TAPT1: variants seen among roughly 807,000 people sequenced by gnomAD.
TAPT1 encodes transmembrane anterior posterior transformation protein 1 homolog.
TAPT1 carries 28 observed loss-of-function variants against 65.6 expected under a neutral mutation model. The observed-to-expected ratio is 0.43, with a 90% CI of 0.32 to 0.59. The LOEUF is 0.59. Among genes scored for constraint, TAPT1 ranks in the 20% least tolerant of loss-of-function variants. The pLI is 0.09. For missense variants in TAPT1, 563 were observed against 679.9 expected (o/e 0.83, Z 1.91); for synonymous variants, 278 against 245.2 (o/e 1.13, Z -1.25).
Position 16,161,836 on chromosome 4 carries a change from A to G in TAPT1, c.*1472T>C, listed in dbSNP as rs2149658843. On this transcript the variant is annotated 3_prime_UTR_variant, in exon 14 of 14. Transcript: ENST00000405303. ...CATCCAAGAAACAGACAAATCACCTAAAAATTGCTTTCTGCCTATGTATGT... is the reference window on the plus strand; with the variant it reads ...CATCCAAGAAACAGACAAATCACCTGAAAATTGCTTTCTGCCTATGTATGT... 1 of 152,342 alleles carries G rather than the reference A, an allele frequency of 6.6e-6. No homozygotes were observed. The highest frequency in any genetic ancestry group is 2.4e-5 in the African/African-American group (1 of 41,576). 9.4% of individuals were successfully genotyped at this position (152,342 alleles called of 1,614,324 possible).
At chr4:16,163,833 A>T (rs1334412607) in intron 13 of TAPT1, among the ~76,000 whole-genome samples, 1 of 152,166 alleles carries the variant, frequency 6.6e-6, no homozygotes, top group East Asian at 1.9e-4. Flanking sequence ...GCTCCTCTCT[A>T]TATAATCAAG....
chr4:16,202,344 G>T, intron 3 of TAPT1, 118 bp downstream of exon 3: 1 of 556,212 alleles, frequency 1.8e-6, no homozygotes, highest in Middle Eastern at 4.8e-4. Context: ...AACAGTTTAT[G>T]CATGAAGGGC....
chr4:16,202,659 T>A, intron 2 of TAPT1, 79 bp from the exon 3 acceptor site: 2 of 724,644 alleles, frequency 2.8e-6, no homozygotes, highest in South Asian at 3.6e-5. Flanking sequence ...ACAACCAGAA[T>A]TTCTAAACAT....
At chr4:16,197,783 T>A (rs1002489066) in intron 3 of TAPT1, among the ~76,000 whole-genome samples, 1 of 152,198 alleles carries the variant, frequency 6.6e-6, no homozygotes, top group African/African-American at 2.4e-5. Flanking sequence ...ATGACACTAC[T>A]CTTATCTGGG....
At chr4:16,206,846 A>G (rs75471799) in intron 2 of TAPT1, among the ~76,000 whole-genome samples, 4,646 of 152,324 alleles carry the variant, frequency 0.031, 127 homozygotes, top group Non-Finnish European at 0.043. Flanking sequence ...ATACATTAAT[A>G]AATGTGCTAG....
intron 4 of TAPT1, 56 bp from the exon 5 acceptor site, chr4:16,188,411 C>A (rs535710497): frequency 5.9e-6 from 8 of 1,349,590 alleles, no homozygotes; most frequent in Non-Finnish European, 6.9e-6. Context: ...AAATATATAA[C>A]TAAAATTGAG....
intron 7 of TAPT1, among the ~76,000 whole-genome samples, chr4:16,186,272 C>T (rs1391766962): frequency 1.3e-5 from 2 of 152,154 alleles, no homozygotes; most frequent in African/African-American, 2.4e-5. Context: ...AAAAATACCA[C>T]CCACTTCAGA....
intron 7 of TAPT1, 113 bp downstream of exon 7, chr4:16,186,422 G>C: frequency 1.5e-6 from 1 of 650,738 alleles, no homozygotes. Flanking sequence ...TAGCATAAGA[G>C]AAGGTACAGT....
chr4:16,169,518 A>G (rs1006996943), intron 12 of TAPT1, among the ~76,000 whole-genome samples: 1 of 152,270 alleles, frequency 6.6e-6, no homozygotes, highest in Non-Finnish European at 1.5e-5. Context: ...GAAAAGAGTT[A>G]CATTAATGTA....
At chr4:16,189,994 A>T (rs1275216366) in intron 4 of TAPT1, 2 of 152,338 alleles carry the variant, frequency 1.3e-5, no homozygotes, top group Non-Finnish European at 2.9e-5. Flanking sequence ...GGAGAACAAG[A>T]TGAGCTATTC....
intron 13 of TAPT1, among the ~76,000 whole-genome samples, chr4:16,165,138 C>G (rs370940690): frequency 1.3e-5 from 2 of 152,144 alleles, no homozygotes; most frequent in South Asian, 2.1e-4. Context: ...AGAAGAACCC[C>G]CCTCTCCTGT....
intron 7 of TAPT1, among the ~76,000 whole-genome samples, chr4:16,180,040 A>C (rs1369897831): frequency 6.6e-6 from 1 of 152,168 alleles, no homozygotes; most frequent in Non-Finnish European, 1.5e-5. Flanking sequence ...GTAAAATGAA[A>C]GACTTTGGGT....
At chr4:16,218,794 T>C (rs13132678) in intron 1 of TAPT1, among the ~76,000 whole-genome samples, 38,391 of 152,156 alleles carry the variant, frequency 0.25, 5,741 homozygotes, top group East Asian at 0.33. Context: ...CAGTTCTGGT[T>C]TGGTGGTTAT....
intron 8 of TAPT1, chr4:16,176,764 G>C (rs188776007): frequency 6.6e-6 from 1 of 152,304 alleles, no homozygotes; most frequent in Non-Finnish European, 1.5e-5. Flanking sequence ...CTTTACATGT[G>C]GGCTCCAGTG....
At chr4:16,193,415 T>C (rs1218313597) in intron 3 of TAPT1, among the ~76,000 whole-genome samples, 2 of 152,202 alleles carry the variant, frequency 1.3e-5, no homozygotes, top group Non-Finnish European at 2.9e-5. Context: ...TGACTTTCTT[T>C]TATCCAATGA....
chr4:16,177,807 G>C (rs960804233), intron 8 of TAPT1, among the ~76,000 whole-genome samples: 13 of 139,922 alleles, frequency 9.3e-5, no homozygotes, highest in Non-Finnish European at 1.8e-4. Flanking sequence ...TTCCATAAAT[G>C]GCACTTTGTT....
intron 2 of TAPT1, among the ~76,000 whole-genome samples, chr4:16,209,252 C>T (rs28653509): frequency 7.4e-4 from 113 of 152,212 alleles, no homozygotes; most frequent in African/African-American, 2.5e-3. Context: ...AGGCACACTT[C>T]CCCTTCTCTA....
intron 3 of TAPT1, among the ~76,000 whole-genome samples, chr4:16,192,684 T>TA (rs1335316218): frequency 4.6e-5 from 7 of 151,890 alleles, no homozygotes; most frequent in Non-Finnish European, 8.8e-5. Flanking sequence ...TCTTTGCCTG[T>TA]TGCAGGCTGA....
intron 13 of TAPT1, among the ~76,000 whole-genome samples, chr4:16,165,440 G>A (rs1747539817): frequency 6.6e-6 from 1 of 151,622 alleles, no homozygotes; most frequent in Admixed American, 6.6e-5. Context: ...CGTGGTGGTG[G>A]GCGCCTGTAG....
Sources: gnomAD v4.1 joint callset for allele counts (sites outside exome capture counted in the v4.1 genomes callset) on GRCh38, gnomAD v4.1.1 for gene constraint, MANE v1.5 for transcripts, NCBI Gene and HGNC (gene_info 2026-07-23, HGNC 2026-07-21) for gene names.